FAM153A: variants seen among roughly 807,000 people sequenced by gnomAD.
FAM153A encodes the protein family with sequence similarity 153 member A, also known as protein FAM153A.
A neutral mutation model predicts 48.1 loss-of-function variants in FAM153A; 12 were observed. The ratio of observed to expected loss-of-function variants is 0.25; its 90% CI spans 0.16 to 0.40. FAM153A has a LOEUF of 0.40. Ranked by LOEUF, FAM153A falls within the 10% of genes least tolerant of loss-of-function variation. The pLI is 1.00. For missense variants in FAM153A, 111 were observed against 345.8 expected (o/e 0.32, Z 5.38); for synonymous variants, 36 against 118.2 (o/e 0.30, Z 4.51).
At chr5:177,755,758 T>G (rs1304717489), upstream of FAM153A, among the ~76,000 whole-genome samples, 2 of 150,994 alleles carry the variant, frequency 1.3e-5, no homozygotes, top group African/African-American at 4.9e-5. Context: ...GAAGGAGAAA[T>G]AAAATCCTTT....
the FAM153A span, among the ~76,000 whole-genome samples, chr5:177,701,670 G>A: frequency 1.3e-5 from 2 of 151,816 alleles, no homozygotes; most frequent in Non-Finnish European, 2.9e-5. Context: ...ACCAAGGAGT[G>A]GGGCATTACT....
exon 27 of FAM153A, chr5:177,712,931 G>C (rs1192347128): frequency 6.6e-6 from 1 of 151,846 alleles, no homozygotes; most frequent in Non-Finnish European, 1.5e-5. Context: ...TTAATTTGTG[G>C]TCCGCTCCCA....
chr5:177,696,364 A>C, the FAM153A span, among the ~76,000 whole-genome samples: 8 of 127,222 alleles, frequency 6.3e-5, no homozygotes, highest in East Asian at 2.6e-4. Flanking sequence ...GCGCTCCTCA[A>C]TTCCCAGGTG....
exon 27 of FAM153A, chr5:177,712,794 A>T (rs979783680): frequency 5.9e-5 from 9 of 151,864 alleles, no homozygotes; most frequent in African/African-American, 2.2e-4. Flanking sequence ...GCCAGTGAAG[A>T]TAGAATCCGG....
chr5:177,743,190 G>GTTTT (rs757108757), intron 6 of FAM153A, among the ~76,000 whole-genome samples: 1 of 75,762 alleles, frequency 1.3e-5, no homozygotes, highest in African/African-American at 4.9e-5. Context: ...GCATTCACTT[G>GTTTT]TTTTTTTTTT....
chr5:177,705,069 C>T (rs1449550341), downstream of FAM153A, among the ~76,000 whole-genome samples: 3 of 149,968 alleles, frequency 2.0e-5, no homozygotes, highest in African/African-American at 7.5e-5. Flanking sequence ...TCTGGGAGGC[C>T]GAGGTGGGTG....
At chr5:177,702,571 G>T in the FAM153A span, among the ~76,000 whole-genome samples, 1 of 151,828 alleles carries the variant, frequency 6.6e-6, no homozygotes, top group Non-Finnish European at 1.5e-5. Flanking sequence ...GACAATGGGG[G>T]AAAAGCATAG....
the FAM153A span, among the ~76,000 whole-genome samples, chr5:177,695,943 CCAGACGGGG>C: frequency 1.1e-5 from 1 of 93,850 alleles, no homozygotes; most frequent in Non-Finnish European, 2.6e-5. Flanking sequence ...TCCCCACTTC[CCAGACGGGG>C]TGGCGGCTGG....
In FAM153A at chr5:177,728,264, C is replaced by T. The variant is rs148707084; in HGVS notation, c.964+759G>A. Among the ~76,000 whole-genome samples the T allele has an allele frequency of 8.0e-4, 105 of 131,360 alleles. 3 individuals are homozygous for T. In the East Asian group the frequency reaches 0.019, roughly 24 times the overall value. 86.2% of individuals were successfully genotyped at this position (131,360 alleles called of 152,430 possible). On this transcript the variant is annotated intron_variant, in intron 18 of 20. Coordinates refer to ENST00000614127, the Ensembl canonical transcript of FAM153A. ...CCATCTGAGGACTGGGTATATTAAACTTATCTTCAGGTACAGCTGTGGTGG... is the reference window on the plus strand; with the variant it reads ...CCATCTGAGGACTGGGTATATTAAATTTATCTTCAGGTACAGCTGTGGTGG...
At chr5:177,695,912 A>AGAGGCACTCCTCACTTCCCAGACG in the FAM153A span, among the ~76,000 whole-genome samples, 1 of 105,038 alleles carries the variant, frequency 9.5e-6, no homozygotes, top group East Asian at 2.5e-4. Context: ...CTTCCCAGAC[A>AGAGGCACTCCTCACTTCCCAGACG]GGGTGGCCGG....
exon 27 of FAM153A, chr5:177,712,425 T>C (rs1170410637): frequency 6.6e-6 from 1 of 151,322 alleles, no homozygotes; most frequent in African/African-American, 2.4e-5. Context: ...TGAGCAGTGA[T>C]CACACCATTG....
chr5:177,709,689 T>G (rs865939386), downstream of FAM153A, among the ~76,000 whole-genome samples: 41 of 138,682 alleles, frequency 3.0e-4, no homozygotes, highest in African/African-American at 1.1e-3. Context: ...TTTTTTTTTT[T>G]GACCAAGTTT....
chr5:177,697,434 A>G, the FAM153A span, among the ~76,000 whole-genome samples: 3 of 151,456 alleles, frequency 2.0e-5, no homozygotes, highest in African/African-American at 4.9e-5. Flanking sequence ...TGCCATTTCT[A>G]CTGTCAGTAA....
chr5:177,743,200 TG>T lies in FAM153A; in HGVS notation c.364+1193del, dbSNP rs1478629097. Among the ~76,000 whole-genome samples, 7 of 58,686 alleles carry T rather than the reference TG, an allele frequency of 1.2e-4. 1 individual carries two copies. Among genetic ancestry groups the T allele is most frequent in the Admixed American group, 7.1e-4 (4 of 5,664 alleles). The allele number at this position is 58,686 out of a possible 152,430, so 38.5% of individuals were successfully genotyped here. On this transcript the variant is annotated intron_variant, in intron 6 of 20. Coordinates refer to ENST00000614127, the Ensembl canonical transcript of FAM153A. ...CAACTGCATTCACTTGTTTTTTTTT[TG>T]TTTTGTTTTTTTTTTTTTTGCAACA... is the stretch of plus-strand genomic sequence containing the variant.
intron 19 of FAM153A, 75 bp from the exon 22 acceptor site, chr5:177,724,437 C>G (rs1582256257): frequency 6.2e-7 from 1 of 1,608,658 alleles, no homozygotes; most frequent in East Asian, 2.2e-5. Context: ...AGGCGGTGTC[C>G]AGAGCAGACC....
chr5:177,706,005 T>G (rs1757851799), downstream of FAM153A, among the ~76,000 whole-genome samples: 1 of 151,810 alleles, frequency 6.6e-6, no homozygotes, highest in Non-Finnish European at 1.5e-5. Flanking sequence ...GAAAGACATT[T>G]TGCATGCATG....
At chr5:177,756,024 A>G (rs1426912156), upstream of FAM153A, among the ~76,000 whole-genome samples, 1 of 150,356 alleles carries the variant, frequency 6.7e-6, no homozygotes, top group Non-Finnish European at 1.5e-5. Flanking sequence ...TGCTCCAATT[A>G]AAAGACACAG....
At chr5:177,703,664 G>C (rs372611916), downstream of FAM153A, among the ~76,000 whole-genome samples, 15 of 118,370 alleles carry the variant, frequency 1.3e-4, 1 homozygote, top group South Asian at 6.7e-4. Context: ...CGGGCATGGT[G>C]GGGGGTGATT....
the FAM153A span, among the ~76,000 whole-genome samples, chr5:177,700,452 A>T: frequency 6.6e-6 from 1 of 152,084 alleles, no homozygotes; most frequent in South Asian, 2.1e-4. Flanking sequence ...CTACAAAAAA[A>T]CTATGAGAGC....
Sources: gnomAD v4.1 joint callset for allele counts (sites outside exome capture counted in the v4.1 genomes callset) on GRCh38, gnomAD v4.1.1 for gene constraint, MANE v1.5 for transcripts, NCBI Gene and HGNC (gene_info 2026-07-23, HGNC 2026-07-21) for gene names.